The following OLFM3 variants were observed in gnomAD, a reference collection of about 807,000 sequenced individuals.
OLFM3 encodes noelin-3.
OLFM3 carries 20 observed loss-of-function variants against 48.6 expected under a neutral mutation model. The observed-to-expected ratio is 0.41, with a 90% CI of 0.29 to 0.60. The LOEUF is 0.60. Among genes scored for constraint, OLFM3 ranks in the 20% least tolerant of loss-of-function variants. The pLI, the probability that OLFM3 is intolerant of heterozygous loss-of-function variation, is 0.28. For missense variants in OLFM3, 437 were observed against 544.3 expected, an observed-to-expected ratio of 0.80 and a Z score of 1.96; for synonymous variants, 222 against 198.1, an observed-to-expected ratio of 1.12 and a Z score of -1.01.
chr1:101,830,522 T>C (rs894248618), intron 3 of OLFM3, 150 bp downstream of exon 3: 1 of 799,406 alleles, frequency 1.3e-6, no homozygotes, highest in Non-Finnish European at 2.1e-6. Context: ...TAATGGTCAG[T>C]TTCAGTGGAG....
chr1:101,918,254 T>C (rs1658985029), intron 1 of OLFM3, among the ~76,000 whole-genome samples: 1 of 152,198 alleles, frequency 6.6e-6, no homozygotes, highest in Admixed American at 6.5e-5. Flanking sequence ...CCCTAATATA[T>C]AGTGTGTTAG....
At position 101,825,203 on chromosome 1, in the gene OLFM3, C is replaced by G. The variant is rs774808422; in HGVS notation, c.415G>C (p.Val139Leu). The change falls in exon 4 of 6, where the codon GTG (valine) becomes CTG (leucine). Residue 139 changes from valine (V) to leucine (L), a missense_variant. Val to Leu is a conservative substitution (Grantham distance 32, BLOSUM62 1). Around this residue, in one of 3 missense-constraint regions of OLFM3, gnomAD observed 314 missense variants for 365.5 expected, o/e 0.86. Transcript: ENST00000370103. ...KMDELLPLIP[V>L]LEQYKTDAKL... ...GCATCTGTTTTGTACTGTTCCAGCA[C>G]GGGGATCAAAGGCAGGAGCTCGTCC... 2 of 1,613,974 alleles carry G rather than the reference C, an allele frequency of 1.2e-6. No homozygotes were observed. Among genetic ancestry groups the G allele is most frequent in the South Asian group, 2.2e-5 (2 of 91,068 alleles).
chr1:101,879,175 G>A (rs1044355328), intron 1 of OLFM3, among the ~76,000 whole-genome samples: 4 of 151,766 alleles, frequency 2.6e-5, no homozygotes, highest in Admixed American at 6.6e-5. Flanking sequence ...GAGCTAATGA[G>A]AATCCATTTT....
intron 1 of OLFM3, among the ~76,000 whole-genome samples, chr1:101,938,901 A>C (rs1394985956): frequency 6.6e-6 from 1 of 152,158 alleles, no homozygotes; most frequent in Non-Finnish European, 1.5e-5. Flanking sequence ...GTGTGTCTCT[A>C]TCTAGGGCAA....
At chr1:101,969,785 G>A (rs1305933612) in intron 1 of OLFM3, among the ~76,000 whole-genome samples, 2 of 151,986 alleles carry the variant, frequency 1.3e-5, no homozygotes, top group Non-Finnish European at 2.9e-5. Flanking sequence ...TCTATGTCAG[G>A]AGAAGGATGT....
chr1:101,838,868 T>A (rs1450076556), intron 1 of OLFM3, among the ~76,000 whole-genome samples: 2 of 152,218 alleles, frequency 1.3e-5, no homozygotes, highest in African/African-American at 4.8e-5. Flanking sequence ...CTTCTGTCTC[T>A]AGAATTCACA....
At chr1:101,907,465 T>C (rs1309575683) in intron 1 of OLFM3, among the ~76,000 whole-genome samples, 1 of 152,190 alleles carries the variant, frequency 6.6e-6, no homozygotes, top group African/African-American at 2.4e-5. Flanking sequence ...GTGCAGGCTA[T>C]AGAGAAAAAT....
At chr1:101,934,705 C>T (rs745637989) in intron 1 of OLFM3, among the ~76,000 whole-genome samples, 22 of 151,902 alleles carry the variant, frequency 1.4e-4, no homozygotes, top group Non-Finnish European at 2.9e-4. Context: ...CTAAAATCAA[C>T]CATGCATTCA....
chr1:101,919,091 C>T (rs368018952), intron 1 of OLFM3, among the ~76,000 whole-genome samples: 121 of 152,176 alleles, frequency 8.0e-4, no homozygotes, highest in African/African-American at 2.9e-3. Context: ...AAAAATCTTA[C>T]TATCAGAAAG....
intron 1 of OLFM3, among the ~76,000 whole-genome samples, chr1:101,932,840 T>C (rs1557735746): frequency 6.6e-6 from 1 of 151,916 alleles, no homozygotes; most frequent in African/African-American, 2.4e-5. Flanking sequence ...ATAATATGGA[T>C]AGAAACAAAG....
intron 1 of OLFM3, among the ~76,000 whole-genome samples, chr1:101,861,117 A>G (rs1434906006): frequency 6.6e-6 from 1 of 152,022 alleles, no homozygotes; most frequent in Non-Finnish European, 1.5e-5. Flanking sequence ...GCTGGTGTGC[A>G]GTGGTGCGAT....
chr1:101,860,940 G>C (rs903647373), intron 1 of OLFM3, among the ~76,000 whole-genome samples: 6 of 152,094 alleles, frequency 3.9e-5, no homozygotes, highest in African/African-American at 1.5e-4. Context: ...AGAAAAGACA[G>C]AGAAGGATCA....
chr1:101,944,524 T>C (rs1222263700), intron 1 of OLFM3, among the ~76,000 whole-genome samples: 1 of 152,174 alleles, frequency 6.6e-6, no homozygotes, highest in Admixed American at 6.6e-5. Context: ...TCATTTTGAT[T>C]CCACATGTGC....
intron 1 of OLFM3, among the ~76,000 whole-genome samples, chr1:101,914,348 A>C (rs1317319875): frequency 1.3e-5 from 2 of 152,144 alleles, no homozygotes; most frequent in African/African-American, 4.8e-5. Flanking sequence ...CTTAAATATC[A>C]GTCTCCGCCA....
intron 4 of OLFM3, among the ~76,000 whole-genome samples, chr1:101,811,170 T>C (rs1654030573): frequency 1.3e-5 from 2 of 150,888 alleles, no homozygotes; most frequent in South Asian, 4.2e-4. Flanking sequence ...ACAAACATAA[T>C]GTAATGTGCA....
chr1:101,914,636 A>C (rs1028478506), intron 1 of OLFM3, among the ~76,000 whole-genome samples: 2 of 152,216 alleles, frequency 1.3e-5, no homozygotes, highest in Non-Finnish European at 2.9e-5. Context: ...TAATGCTGGA[A>C]ATTGTTCAAG....
intron 3 of OLFM3, among the ~76,000 whole-genome samples, chr1:101,826,170 A>C: frequency 6.7e-6 from 1 of 150,308 alleles, no homozygotes. Flanking sequence ...ACACACACAC[A>C]CACACAGTGT....
At chr1:101,886,839 T>A (rs192965386) in intron 1 of OLFM3, among the ~76,000 whole-genome samples, 1 of 152,252 alleles carries the variant, frequency 6.6e-6, no homozygotes, top group Admixed American at 6.5e-5. Context: ...TTTCTCCTTG[T>A]TGATTCTTTC....
intron 1 of OLFM3, among the ~76,000 whole-genome samples, chr1:101,935,526 A>T (rs1659585085): frequency 6.6e-6 from 1 of 152,134 alleles, no homozygotes; most frequent in Non-Finnish European, 1.5e-5. Context: ...ATGGAATCAT[A>T]GCTGAATTCC....
Sources: gnomAD v4.1 joint callset for allele counts (sites outside exome capture counted in the v4.1 genomes callset) on GRCh38, gnomAD v4.1.1 for gene constraint, gnomAD v4.1.1 regional missense constraint, MANE v1.5 for transcripts, NCBI Gene and HGNC (gene_info 2026-07-23, HGNC 2026-07-21) for gene names.